UGT1A5: variants seen among roughly 807,000 people sequenced by gnomAD.
UGT1A5 encodes the protein UDP-glucuronosyltransferase 1A5.
Under a neutral mutation model 40.3 loss-of-function variants are expected in UGT1A5, and 29 were observed. The observed-to-expected ratio is 0.72, with a 90% CI of 0.54 to 0.98. The LOEUF (loss-of-function observed/expected upper bound fraction) is 0.98. Ranked by LOEUF, UGT1A5 falls within the 50% of genes least tolerant of loss-of-function variation. The pLI is 0.00. For synonymous variants in UGT1A5, 257 were observed against 262.5 expected, an observed-to-expected ratio of 0.98 and a Z score of 0.20; for missense variants, 678 against 677.9, an observed-to-expected ratio of 1.00 and a Z score of 0.00.
In UGT1A5 at chr2:233,719,505, G is replaced by T. The variant is rs1559364966; in HGVS notation, c.867+5647G>T. ...GTCCTACATTTGCCATACTTTTTCT[G>T]CCCCTTATGCAAGTCTTGCCTCTGA... On this transcript the variant is annotated intron_variant, in intron 1 of 4. Transcript: ENST00000373414. The T allele has an allele frequency of 1.9e-6, 3 of 1,613,876 alleles. No individual in the cohort carries two copies. Among genetic ancestry groups the T allele is most frequent in the Non-Finnish European group, 2.5e-6 (3 of 1,179,860 alleles).
chr2:233,725,061 C>T (rs1212157566), intron 1 of UGT1A5, among the ~76,000 whole-genome samples: 1 of 147,216 alleles, frequency 6.8e-6, no homozygotes, highest in Admixed American at 6.8e-5. Flanking sequence ...GCGGCGCGCG[C>T]CTGCAATCGC....
chr2:233,768,116 A>G, intron 3 of UGT1A5, 104 bp from the exon 4 acceptor site: 1 of 1,599,724 alleles, frequency 6.3e-7, no homozygotes, highest in Non-Finnish European at 8.5e-7. Context: ...CTGCAAGGGC[A>G]TGTGAGTAAC....
rs777889736 is a variant in UGT1A5, at chr2:233,719,093, C to T, written c.867+5235C>T. On this transcript the variant is annotated intron_variant, in intron 1 of 4. Transcript: ENST00000373414. ...CATGGACCCAGAAGGAATTTGATCGCGTTACGCTGGGCTACACTCAAGGGT... is the reference window on the plus strand; with the variant it reads ...CATGGACCCAGAAGGAATTTGATCGTGTTACGCTGGGCTACACTCAAGGGT... 15 of 1,614,122 alleles carry T rather than the reference C, an allele frequency of 9.3e-6. No homozygotes were observed. The Admixed American group carries it at 1.0e-4, about 11-fold the overall frequency.
rs111739350 is a variant in UGT1A5 at position 233,753,142 on chromosome 2, A to G, written c.868-13892A>G. The G allele has an allele frequency of 8.2e-3, 1,248 of 152,338 alleles. 11 individuals are homozygous for G. The highest frequency in any genetic ancestry group is 0.011 in the Non-Finnish European group (750 of 68,038). The allele number at this position is 152,338 out of a possible 1,614,324, so 9.4% of individuals were successfully genotyped here. On this transcript the variant is annotated intron_variant, in intron 1 of 4. Coordinates refer to ENST00000373414, the MANE Select transcript of UGT1A5 (RefSeq NM_019078.2). ...CAAACTACTCAGTGAGTATCTTCAC[A>G]CATGTAAGTTCCCTTATCCGGATCA...
intron 1 of UGT1A5, among the ~76,000 whole-genome samples, chr2:233,758,818 TC>T (rs963233717): frequency 6.6e-6 from 1 of 151,974 alleles, no homozygotes; most frequent in South Asian, 2.1e-4. Context: ...CAGCAGTATA[TC>T]CCCCCCAAAA....
At chr2:233,748,764 A>G (rs1260717219) in intron 1 of UGT1A5, among the ~76,000 whole-genome samples, 3 of 151,530 alleles carry the variant, frequency 2.0e-5, no homozygotes, top group Non-Finnish European at 4.4e-5. Flanking sequence ...TTTTGGTTGC[A>G]GGTCAATTGG....
chr2:233,760,816 T>C (rs72551342), intron 1 of UGT1A5: 3 of 1,613,644 alleles, frequency 1.9e-6, no homozygotes, highest in South Asian at 1.1e-5. Flanking sequence ...TGCACTGCCA[T>C]GCAGCCTGGA....
chr2:233,747,362 G>T lies in UGT1A5; in HGVS notation c.868-19672G>T. 4 of 1,603,780 alleles carry T rather than the reference G, an allele frequency of 2.5e-6. No homozygotes were observed. In the South Asian group the frequency reaches 4.4e-5, roughly 18 times the overall value. On this transcript the variant is annotated intron_variant, in intron 1 of 4. Coordinates refer to ENST00000373414, the MANE Select transcript of UGT1A5 (RefSeq NM_019078.2). ...CTCGCATGCGGGAGGCCGTGCGGGA[G>T]CTCCATGCCAGAGGCCACCAGGCGG...
chr2:233,772,501 G>A lies in UGT1A5; in HGVS notation c.1547G>A (p.Arg516Gln), dbSNP rs778667717. Residue 516 changes from arginine (R) to glutamine (Q), a missense_variant, in exon 5 of 5, where the codon CGG (arginine) becomes CAG (glutamine). Transcript: ENST00000373414. Reference protein sequence around the residue: ...ITFKCCAYGYRKCLGKKGRVK... With the variant: ...ITFKCCAYGYQKCLGKKGRVK... Reference sequence around the variant, plus strand: ...TTTAAATGTTGTGCTTATGGCTACCGGAAATGCTTGGGGAAAAAAGGGCGA... The same window carrying A: ...TTTAAATGTTGTGCTTATGGCTACCAGAAATGCTTGGGGAAAAAAGGGCGA... The A allele has an allele frequency of 1.8e-5, 29 of 1,614,036 alleles. No homozygotes were observed. The highest frequency in any genetic ancestry group is 5.5e-5 in the South Asian group (5 of 91,088).
chr2:233,767,127 A>G lies in UGT1A5; in HGVS notation c.961A>G (p.Met321Val), dbSNP rs749159613. 5.0e-6 allele frequency: 8 copies of G among 1,614,028 alleles called. No homozygotes were observed. Among genetic ancestry groups the G allele is most frequent in the South Asian group, 2.2e-5 (2 of 91,084 alleles). The change falls in exon 2 of 5, where the codon ATG (methionine) becomes GTG (valine). Residue 321 changes from methionine (M) to valine (V), a missense_variant. Met to Val is a conservative substitution (Grantham distance 21). Coordinates refer to ENST00000373414, the MANE Select transcript of UGT1A5 (RefSeq NM_019078.2). Reference sequence around the variant, plus strand: ...CTCAGAAATTCCAGAGAAGAAAGCTATGGCAATTGCTGATGCTTTGGGCAA... The same window carrying G: ...CTCAGAAATTCCAGAGAAGAAAGCTGTGGCAATTGCTGATGCTTTGGGCAA... The part of the protein sequence containing the change: ...MVSEIPEKKA[M>V]AIADALGKIP...
At chr2:233,765,847 T>G (rs531904348) in intron 1 of UGT1A5, among the ~76,000 whole-genome samples, 5 of 152,168 alleles carry the variant, frequency 3.3e-5, no homozygotes, top group African/African-American at 9.6e-5. Context: ...CTTGTCCCCC[T>G]CACAGAGCAT....
Position 233,713,759 on chromosome 2 carries a change from G to T in UGT1A5, c.768G>T (p.Leu256=). The T allele has an allele frequency of 6.2e-7, 1 of 1,613,990 alleles. No individual in the cohort carries two copies. Among genetic ancestry groups the T allele is most frequent in the South Asian group, 1.1e-5 (1 of 91,072 alleles). The change falls in exon 1 of 5, where the codon CTG becomes CTT. Residue 256 remains leucine (L), a synonymous_variant. Coordinates refer to ENST00000373414, the MANE Select transcript of UGT1A5 (RefSeq NM_019078.2). ...VDLVSHASVW[L]FRGDFVMDYP... is the part of the protein sequence containing the mutation. ...TTGTCAGCCATGCATCTGTGTGGCTGTTCCGAGGGGACTTTGTGATGGATT... is the reference window on the plus strand; with the variant it reads ...TTGTCAGCCATGCATCTGTGTGGCTTTTCCGAGGGGACTTTGTGATGGATT...
At chr2:233,739,607 G>C (rs1198320819) in intron 1 of UGT1A5, among the ~76,000 whole-genome samples, 2 of 152,134 alleles carry the variant, frequency 1.3e-5, no homozygotes, top group Non-Finnish European at 2.9e-5. Context: ...CCTTTGTTTT[G>C]GCCAGTTTCT....
At chr2:233,719,670 G>A (rs758623915) in intron 1 of UGT1A5, 19 of 1,613,900 alleles carry the variant, frequency 1.2e-5, no homozygotes, top group East Asian at 6.7e-5. Flanking sequence ...CTGTGCCAAC[G>A]GGAAGCCACT....
intron 1 of UGT1A5, chr2:233,748,212 G>A (rs1693895532): frequency 2.0e-6 from 3 of 1,495,994 alleles, no homozygotes; most frequent in Non-Finnish European, 2.7e-6. Flanking sequence ...ATAGCCTTCA[G>A]TGAGATAAAC....
At chr2:233,724,342 C>T (rs1220787897) in intron 1 of UGT1A5, among the ~76,000 whole-genome samples, 6 of 135,502 alleles carry the variant, frequency 4.4e-5, no homozygotes, top group Non-Finnish European at 8.0e-5. Flanking sequence ...GGGGGCTGAC[C>T]CCCCCCACCT....
chr2:233,719,292 G>C (rs146073833), intron 1 of UGT1A5: 1 of 1,613,496 alleles, frequency 6.2e-7, no homozygotes, highest in South Asian at 1.1e-5. Flanking sequence ...TAACCTCTGT[G>C]GGGCGGTGCT....
chr2:233,729,944 T>C, intron 1 of UGT1A5: 6 of 1,614,066 alleles, frequency 3.7e-6, no homozygotes, highest in Non-Finnish European at 5.1e-6. Flanking sequence ...ATGCCCAACA[T>C]GGTCTTCATT....
intron 1 of UGT1A5, chr2:233,755,099 C>G: frequency 2.2e-6 from 3 of 1,335,076 alleles, no homozygotes; most frequent in Non-Finnish European, 3.0e-6. Context: ...TCTACGCGTC[C>G]GACAACACCT....
Sources: gnomAD v4.1 joint callset for allele counts (sites outside exome capture counted in the v4.1 genomes callset) on GRCh38, gnomAD v4.1.1 for gene constraint, MANE v1.5 for transcripts, NCBI Gene and HGNC (gene_info 2026-07-23, HGNC 2026-07-21) for gene names.